The following SDK2 variants were observed in gnomAD, a reference collection of about 807,000 sequenced individuals.
The protein encoded by SDK2 is sidekick cell adhesion molecule 2, also known as protein sidekick-2.
SDK2 carries 105 observed loss-of-function variants against 253.9 expected under a neutral mutation model. The observed-to-expected ratio is 0.41, with a 90% CI of 0.35 to 0.49. The LOEUF is 0.49. Among genes scored for constraint, SDK2 ranks in the 20% least tolerant of loss-of-function variants. The probability of loss-of-function intolerance (pLI) is 0.06; values close to 1 mark genes in which losing one functional copy is unlikely to be tolerated. For synonymous variants in SDK2, 1,249 were observed against 1,234.9 expected, an observed-to-expected ratio of 1.01 and a Z score of -0.24; for missense variants, 2,608 against 3,003.0, an observed-to-expected ratio of 0.87 and a Z score of 3.07.
At position 73,511,680 on chromosome 17, in the gene SDK2, C is replaced by T. The variant is rs1006637654; in HGVS notation, c.65-4083G>A. 3.3e-5 allele frequency among the ~76,000 whole-genome samples: 5 copies of T among 152,120 alleles called. 1 individual carries two copies. Among genetic ancestry groups the T allele is most frequent in the South Asian group, 4.1e-4 (2 of 4,824 alleles). On this transcript the variant is annotated intron_variant, in intron 1 of 44. Transcript: ENST00000392650. The surrounding 1 kb of genome is among the most constrained non-coding windows in gnomAD (Gnocchi z 4.9). Reference sequence around the variant, plus strand: ...CTCCTGCGGTGAAGTCACCCCCTCCCGAAAGTCAACCTGCCCCCTGGATAC... The same window carrying T: ...CTCCTGCGGTGAAGTCACCCCCTCCTGAAAGTCAACCTGCCCCCTGGATAC...
rs571563381 is a variant in SDK2 at position 73,616,790 on chromosome 17, G to A, written c.64+27235C>T. Among the ~76,000 whole-genome samples the A allele has an allele frequency of 1.4e-4, 21 of 152,288 alleles. No individual in the cohort carries two copies. Among genetic ancestry groups the A allele is most frequent in the Admixed American group, 1.1e-3 (17 of 15,302 alleles). On this transcript the variant is annotated intron_variant, in intron 1 of 44. Coordinates refer to ENST00000392650, the MANE Select transcript of SDK2 (RefSeq NM_001144952.2). This position sits in a 1 kb window ranked among gnomAD's most constrained non-coding sequence, Gnocchi z 5.2. ...CTCAGAGCTGCAGGCACTGCACTGT[G>A]CGCATTCCCACCATGAGATGCCTGG...
At chr17:73,476,053 A>G (rs778036808) in intron 2 of SDK2, among the ~76,000 whole-genome samples, 16 of 152,236 alleles carry the variant, frequency 1.1e-4, no homozygotes, top group Admixed American at 3.3e-4. Flanking sequence ...TGGAGGTTGC[A>G]GTGAGCTGAG....
At chr17:73,635,787 A>C (rs2046322710) in intron 1 of SDK2, among the ~76,000 whole-genome samples, 1 of 151,734 alleles carries the variant, frequency 6.6e-6, no homozygotes, top group Non-Finnish European at 1.5e-5. Flanking sequence ...CTGGCAAGCC[A>C]GTTCTGAATG....
chr17:73,621,301 T>A (rs1258926119), intron 1 of SDK2, among the ~76,000 whole-genome samples: 2 of 152,094 alleles, frequency 1.3e-5, no homozygotes, highest in Non-Finnish European at 2.9e-5. Context: ...TTAAGTTAGT[T>A]CCCCCTAAAA....
At chr17:73,500,923 C>T (rs574128573) in intron 2 of SDK2, among the ~76,000 whole-genome samples, 2 of 152,332 alleles carry the variant, frequency 1.3e-5, no homozygotes, top group African/African-American at 4.8e-5. Flanking sequence ...CTCTGTCCTC[C>T]TCCATCTCCA....
chr17:73,540,128 G>A (rs551269702), intron 1 of SDK2, among the ~76,000 whole-genome samples: 86 of 152,242 alleles, frequency 5.6e-4, no homozygotes, highest in African/African-American at 2.0e-3. Flanking sequence ...CCAGAGACGG[G>A]GTCATGCAGC....
chr17:73,500,370 C>T (rs1164624785), intron 2 of SDK2, among the ~76,000 whole-genome samples: 7 of 140,042 alleles, frequency 5.0e-5, no homozygotes, highest in African/African-American at 1.9e-4. Context: ...CTCCATCCTT[C>T]TCCATCCTCC....
intron 36 of SDK2, among the ~76,000 whole-genome samples, chr17:73,375,099 C>T (rs778426501): frequency 6.6e-6 from 1 of 152,108 alleles, no homozygotes; most frequent in Non-Finnish European, 1.5e-5. Context: ...TCTCCGTATA[C>T]CCCAAGTACC....
At chr17:73,469,574 G>A (rs2063629215) in intron 3 of SDK2, among the ~76,000 whole-genome samples, 1 of 152,194 alleles carries the variant, frequency 6.6e-6, no homozygotes, top group Non-Finnish European at 1.5e-5. Context: ...CCCTGCAGAT[G>A]GGCCTGGTCA....
At chr17:73,423,829 CT>C in intron 13 of SDK2, 86 bp downstream of exon 13, 1 of 1,087,192 alleles carries the variant, frequency 9.2e-7, no homozygotes, top group Non-Finnish European at 1.2e-6. Flanking sequence ...GCCTGGGGAT[CT>C]GAAAAAAGGG....
chr17:73,606,150 T>C (rs2045904186), intron 1 of SDK2, among the ~76,000 whole-genome samples: 1 of 152,204 alleles, frequency 6.6e-6, no homozygotes, highest in African/African-American at 2.4e-5. Flanking sequence ...TGCTTGTTGC[T>C]TATTATTACT....
At chr17:73,564,741 C>T (rs1456193521) in intron 1 of SDK2, among the ~76,000 whole-genome samples, 1 of 151,926 alleles carries the variant, frequency 6.6e-6, no homozygotes, top group Non-Finnish European at 1.5e-5. Flanking sequence ...AGGAGGATCG[C>T]TTGAACCTGG....
chr17:73,526,008 A>G lies in SDK2; in HGVS notation c.65-18411T>C, dbSNP rs547080993. ...GATGGATGAGCCACTTGGCAGTGGGACAAGTGCGCGACAGAGTGAAGCCCT... is the reference window on the plus strand; with the variant it reads ...GATGGATGAGCCACTTGGCAGTGGGGCAAGTGCGCGACAGAGTGAAGCCCT... On this transcript the variant is annotated intron_variant, in intron 1 of 44. Transcript: ENST00000392650. 2.6e-5 allele frequency among the ~76,000 whole-genome samples: 4 copies of G among 152,336 alleles called. No homozygotes were observed. In the South Asian group the frequency reaches 8.3e-4, roughly 32 times the overall value.
intron 18 of SDK2, among the ~76,000 whole-genome samples, chr17:73,408,689 A>G (rs1057131043): frequency 5.3e-5 from 8 of 152,198 alleles, no homozygotes; most frequent in African/African-American, 1.9e-4. Context: ...ACAAATGACT[A>G]AGTTTCTTCC....
intron 2 of SDK2, among the ~76,000 whole-genome samples, chr17:73,484,552 G>T (rs576193375): frequency 6.6e-6 from 1 of 152,350 alleles, no homozygotes; most frequent in South Asian, 2.1e-4. Flanking sequence ...GCATCCAGGG[G>T]CGTATTTGTT....
intron 18 of SDK2, among the ~76,000 whole-genome samples, chr17:73,414,193 G>A (rs966857478): frequency 1.4e-4 from 22 of 151,830 alleles, no homozygotes; most frequent in African/African-American, 5.3e-4. Flanking sequence ...GATTACAGGC[G>A]CCCCTGCCAC....
chr17:73,446,806 T>C lies in SDK2; in HGVS notation c.613+809A>G, dbSNP rs148669902. ...AGCTCTGGCCTCGCCCCACATACTC[T>C]GGGATTTGGGCCTACGCTGCTCCTG... On this transcript the variant is annotated intron_variant, in intron 5 of 44. Coordinates refer to ENST00000392650, the MANE Select transcript of SDK2 (RefSeq NM_001144952.2). Among the ~76,000 whole-genome samples the C allele has an allele frequency of 5.6e-4, 85 of 152,256 alleles. 1 individual carries two copies. In the South Asian group the frequency reaches 7.9e-3, roughly 14 times the overall value.
rs1311581796 is a variant in SDK2, at chr17:73,496,453, T to G, written c.224+10985A>C. On this transcript the variant is annotated intron_variant, in intron 2 of 44. Coordinates refer to ENST00000392650, the MANE Select transcript of SDK2 (RefSeq NM_001144952.2). This position sits in a 1 kb window ranked among gnomAD's most constrained non-coding sequence, Gnocchi z 4.7. Reference sequence around the variant, plus strand: ...GGACGGTAGAGGTGGAGGACAGAGGTGGGCATGGGCACGAGGGCATGAAAG... The same window carrying G: ...GGACGGTAGAGGTGGAGGACAGAGGGGGGCATGGGCACGAGGGCATGAAAG... Among the ~76,000 whole-genome samples the G allele has an allele frequency of 6.6e-6, 1 of 151,696 alleles. No homozygotes were observed. The highest frequency in any genetic ancestry group is 2.4e-5 in the African/African-American group (1 of 41,290).
chr17:73,505,784 CTCATCATCATCAATAGCTGGACCTCA>C (rs2063930903), intron 2 of SDK2, among the ~76,000 whole-genome samples: 1 of 151,934 alleles, frequency 6.6e-6, no homozygotes, highest in African/African-American at 2.4e-5. Flanking sequence ...ATAGCTGGAC[CTCATCATCATCAATAGCTGGACCTCA>C]TCATCATCAT....
Sources: gnomAD v4.1 joint callset for allele counts (sites outside exome capture counted in the v4.1 genomes callset) on GRCh38, gnomAD v4.1.1 for gene constraint, Gnocchi (gnomAD v3.1) non-coding constraint, MANE v1.5 for transcripts, NCBI Gene and HGNC (gene_info 2026-07-23, HGNC 2026-07-21) for gene names.